The following OPCML variants were observed in gnomAD, a reference collection of about 807,000 sequenced individuals.
The protein encoded by OPCML is opioid-binding protein/cell adhesion molecule.
Under a neutral mutation model 37.8 loss-of-function variants are expected in OPCML, and 13 were observed. The ratio of observed to expected loss-of-function variants is 0.34; its 90% CI spans 0.22 to 0.55. The LOEUF (loss-of-function observed/expected upper bound fraction) is 0.55, where lower values mean the gene tolerates loss of function less well. Ranked by LOEUF, OPCML falls within the 20% of genes least tolerant of loss-of-function variation. The pLI, the probability that OPCML is intolerant of heterozygous loss-of-function variation, is 0.91. For synonymous variants in OPCML, 176 were observed against 168.8 expected (o/e 1.04, Z -0.33); for missense variants, 341 against 435.6 (o/e 0.78, Z 1.93).
At chr11:133,178,298 G>T (rs1216944980) in intron 1 of OPCML, among the ~76,000 whole-genome samples, 1 of 152,100 alleles carries the variant, frequency 6.6e-6, no homozygotes, top group Admixed American at 6.5e-5. Context: ...CACTGTGTGT[G>T]CGTTCCTCAG....
chr11:132,509,947 T>C (rs545532014), intron 4 of OPCML, among the ~76,000 whole-genome samples: 27 of 152,234 alleles, frequency 1.8e-4, no homozygotes, highest in Non-Finnish European at 3.2e-4. Flanking sequence ...CAGCTTGCAC[T>C]GTGTGCATGG....
chr11:133,263,617 T>C (rs1343775670), intron 1 of OPCML, among the ~76,000 whole-genome samples: 1 of 152,148 alleles, frequency 6.6e-6, no homozygotes, highest in East Asian at 1.9e-4. Flanking sequence ...TGTGTAACTG[T>C]AGTTACTATG....
Position 132,913,935 on chromosome 11 carries a change from C to G in OPCML, c.146+28991G>C, listed in dbSNP as rs376201296. Among the ~76,000 whole-genome samples, 10 of 152,312 alleles carry G rather than the reference C, an allele frequency of 6.6e-5. No homozygotes were observed. The East Asian group carries it at 1.9e-3, about 29-fold the overall frequency. On this transcript the variant is annotated intron_variant, in intron 2 of 7. Transcript: ENST00000524381. ...TGCTGCAGCTCACTAGGCATCCTTT[C>G]GACTCATTTTCCGGTGTTTTCTGTG...
chr11:132,830,680 A>C (rs1381079855), intron 2 of OPCML, among the ~76,000 whole-genome samples: 1 of 152,214 alleles, frequency 6.6e-6, no homozygotes, highest in Admixed American at 6.5e-5. Flanking sequence ...TTTGCAGAAC[A>C]TAACCAGGAG....
At chr11:133,056,464 C>G (rs1428069873) in intron 1 of OPCML, among the ~76,000 whole-genome samples, 3 of 152,296 alleles carry the variant, frequency 2.0e-5, no homozygotes, top group East Asian at 1.9e-4. Context: ...GAGAATGTCT[C>G]TTTTTATGAA....
At chr11:132,656,953 C>T (rs1010678461) in intron 3 of OPCML, 134 bp downstream of exon 3, 4 of 1,446,190 alleles carry the variant, frequency 2.8e-6, no homozygotes, top group East Asian at 2.5e-5. Flanking sequence ...CATTCCAAGA[C>T]ATATAGTCAA....
chr11:132,834,716 G>A (rs1940908229), intron 2 of OPCML, among the ~76,000 whole-genome samples: 1 of 152,162 alleles, frequency 6.6e-6, no homozygotes, highest in East Asian at 1.9e-4. Flanking sequence ...GATGAACCCT[G>A]ATGACCTCAT....
At chr11:133,232,966 C>A (rs924983105) in intron 1 of OPCML, among the ~76,000 whole-genome samples, 2 of 152,172 alleles carry the variant, frequency 1.3e-5, no homozygotes, top group Non-Finnish European at 2.9e-5. Flanking sequence ...TGCTGTTTGA[C>A]TCCAGCTAAA....
At chr11:133,457,806 G>A (rs974360770) in intron 1 of OPCML, among the ~76,000 whole-genome samples, 1 of 152,018 alleles carries the variant, frequency 6.6e-6, no homozygotes, top group Non-Finnish European at 1.5e-5. Flanking sequence ...AAATGCTAAC[G>A]AGTATCCTTT....
At chr11:132,620,432 C>T (rs937223787) in intron 3 of OPCML, among the ~76,000 whole-genome samples, 1 of 152,132 alleles carries the variant, frequency 6.6e-6, no homozygotes, top group African/African-American at 2.4e-5. Context: ...ACTGCTGTGT[C>T]CCTAGAAAAC....
At chr11:133,268,265 A>G (rs1941719638) in intron 1 of OPCML, among the ~76,000 whole-genome samples, 1 of 152,350 alleles carries the variant, frequency 6.6e-6, no homozygotes, top group South Asian at 2.1e-4. Flanking sequence ...AACATGTGTC[A>G]TCTCATGCAA....
In OPCML at chr11:132,657,127, G is replaced by A; in HGVS notation, c.339C>T (p.Asp113=). Reference sequence around the variant, plus strand: ...GAACCCGGGACGTTTTGGGATGATTGTCTGTCTGCACAGAGCAGGTGTACG... The same window carrying A: ...GAACCCGGGACGTTTTGGGATGATTATCTGTCTGCACAGAGCAGGTGTACG... ...EGPYTCSVQT[D]NHPKTSRVHL... The change falls in exon 3 of 8, where the codon GAC becomes GAT. Residue 113 remains aspartate, a synonymous_variant. Transcript: ENST00000524381. The A allele has an allele frequency of 1.2e-6, 2 of 1,614,234 alleles. No homozygotes were observed. The highest frequency in any genetic ancestry group is 1.1e-5 in the South Asian group (1 of 91,090).
intron 2 of OPCML, among the ~76,000 whole-genome samples, chr11:132,763,123 C>T (rs1301454177): frequency 6.6e-6 from 1 of 152,130 alleles, no homozygotes; most frequent in Admixed American, 6.5e-5. Flanking sequence ...CCTGCTTCTG[C>T]TCACCCTCCA....
rs368980339 is a variant in OPCML, at chr11:133,435,726, A to T, written c.61+96538T>A. ...ATACAGTAACTGATTTCCATAAATA[A>T]TGAAGATGGGAAATTATCTCTGACA... On this transcript the variant is annotated intron_variant, in intron 1 of 7. Transcript: ENST00000524381. Among the ~76,000 whole-genome samples, 6 of 152,364 alleles carry T rather than the reference A, an allele frequency of 3.9e-5. No homozygotes were observed. The East Asian group carries it at 7.7e-4, about 20-fold the overall frequency.
chr11:132,669,210 C>T (rs899115996), intron 2 of OPCML, among the ~76,000 whole-genome samples: 2 of 151,952 alleles, frequency 1.3e-5, no homozygotes, highest in Non-Finnish European at 2.9e-5. Context: ...GGATACTGCT[C>T]AGTCTAGAAG....
At chr11:133,187,034 A>G (rs1024699047) in intron 1 of OPCML, among the ~76,000 whole-genome samples, 1 of 152,142 alleles carries the variant, frequency 6.6e-6, no homozygotes, top group Non-Finnish European at 1.5e-5. Flanking sequence ...GCCTGTTTAG[A>G]TCTGAGCATT....
chr11:132,641,625 C>A (rs1335259428), intron 3 of OPCML, among the ~76,000 whole-genome samples: 1 of 152,210 alleles, frequency 6.6e-6, no homozygotes. Flanking sequence ...CCCTTCCCAC[C>A]TACATCTTAT....
chr11:132,944,193 TGGGGGGAGCGGGGA>T (rs1945688629), intron 1 of OPCML, among the ~76,000 whole-genome samples: 1 of 120,980 alleles, frequency 8.3e-6, no homozygotes, highest in Non-Finnish European at 1.8e-5. Flanking sequence ...AGGGGCGGGG[TGGGGGGAGCGGGGA>T]GGGAGAGGGG....
intron 1 of OPCML, among the ~76,000 whole-genome samples, chr11:133,100,106 G>A (rs1358818506): frequency 6.6e-6 from 1 of 152,124 alleles, no homozygotes; most frequent in African/African-American, 2.4e-5. Flanking sequence ...ACTTATAAGT[G>A]GGAACTAAAC....
Sources: allele counts gnomAD v4.1 joint callset (sites outside exome capture counted in the v4.1 genomes callset), GRCh38; gene constraint gnomAD v4.1.1; transcripts MANE v1.5; gene names NCBI Gene and HGNC (gene_info 2026-07-23, HGNC 2026-07-21).